SEMA5A: variants seen among roughly 807,000 people sequenced by gnomAD.
SEMA5A encodes the protein semaphorin-5A.
A neutral mutation model predicts 135.5 loss-of-function variants in SEMA5A; 55 were observed. That is an observed-to-expected ratio of 0.41 (90% CI 0.33 to 0.51). The LOEUF (loss-of-function observed/expected upper bound fraction) is 0.51. Among genes scored for constraint, SEMA5A ranks in the 20% least tolerant of loss-of-function variants. The pLI is 0.37. For synonymous variants in SEMA5A, 580 were observed against 546.5 expected, an observed-to-expected ratio of 1.06 and a Z score of -0.85; for missense variants, 1,290 against 1,419.9, an observed-to-expected ratio of 0.91 and a Z score of 1.47.
At chr5:9,282,673 A>G (rs1233735287) in intron 5 of SEMA5A, among the ~76,000 whole-genome samples, 1 of 152,176 alleles carries the variant, frequency 6.6e-6, no homozygotes, top group Non-Finnish European at 1.5e-5. Flanking sequence ...AGCTGACCAG[A>G]CGGATAAAGG....
At chr5:9,136,764 A>C in intron 12 of SEMA5A, 143 bp from the exon 13 acceptor site, 1 of 682,914 alleles carries the variant, frequency 1.5e-6, no homozygotes, top group East Asian at 2.5e-5. Flanking sequence ...TGCACACTGG[A>C]GAGCACAGCT....
Position 9,092,733 on chromosome 5 carries a change from G to A in SEMA5A, c.2073+15407C>T, listed in dbSNP as rs201961426. Among the ~76,000 whole-genome samples the A allele has an allele frequency of 3.4e-3, 511 of 152,288 alleles. 4 individuals carry two copies. The East Asian group carries it at 0.048, about 14-fold the overall frequency. On this transcript the variant is annotated intron_variant, in intron 16 of 22. Coordinates refer to ENST00000382496, the MANE Select transcript of SEMA5A (RefSeq NM_003966.3). The stretch of plus-strand genomic sequence containing the variant: ...GAACACAAAATGTGTTGCATTGTAA[G>A]AGATAGTAAGAATGAACCCAAGAGT...
At chr5:9,295,912 C>A (rs1751313221) in intron 5 of SEMA5A, among the ~76,000 whole-genome samples, 1 of 152,148 alleles carries the variant, frequency 6.6e-6, no homozygotes, top group Admixed American at 6.5e-5. Context: ...GAGTGGAAAT[C>A]ATTGTTCTCA....
intron 16 of SEMA5A, among the ~76,000 whole-genome samples, chr5:9,085,775 G>A (rs774928516): frequency 9.2e-5 from 14 of 152,136 alleles, no homozygotes; most frequent in Non-Finnish European, 1.9e-4. Context: ...ACCATCCTCA[G>A]ACCCAAGAAT....
intron 9 of SEMA5A, among the ~76,000 whole-genome samples, chr5:9,198,669 C>T (rs1241433115): frequency 6.6e-6 from 1 of 152,176 alleles, no homozygotes; most frequent in Non-Finnish European, 1.5e-5. Flanking sequence ...AAGGGGCGAA[C>T]ACCAGCTATG....
chr5:9,473,500 C>T (rs1208776971), intron 1 of SEMA5A, among the ~76,000 whole-genome samples: 3 of 151,048 alleles, frequency 2.0e-5, no homozygotes, highest in Admixed American at 6.6e-5. Context: ...GCTACCAAGA[C>T]GAAGGCAGAG....
chr5:9,288,595 G>A (rs910550645), intron 5 of SEMA5A, among the ~76,000 whole-genome samples: 3 of 152,166 alleles, frequency 2.0e-5, no homozygotes, highest in Admixed American at 1.3e-4. Flanking sequence ...GATAAAACAG[G>A]AGAAAATAAA....
chr5:9,247,100 A>T (rs909498784), intron 5 of SEMA5A, among the ~76,000 whole-genome samples: 7 of 152,222 alleles, frequency 4.6e-5, no homozygotes. Context: ...GCCAGCAACC[A>T]CAGCATGAAT....
intron 3 of SEMA5A, among the ~76,000 whole-genome samples, chr5:9,362,222 G>A (rs1299890196): frequency 6.6e-6 from 1 of 152,124 alleles, no homozygotes; most frequent in African/African-American, 2.4e-5. Flanking sequence ...TCCCATCCCT[G>A]AGCATGTTTA....
intron 2 of SEMA5A, among the ~76,000 whole-genome samples, chr5:9,420,062 C>T (rs1272400438): frequency 2.0e-5 from 3 of 152,070 alleles, no homozygotes; most frequent in East Asian, 1.9e-4. Context: ...CCTTTGTTCC[C>T]GGGCTGAACT....
intron 1 of SEMA5A, among the ~76,000 whole-genome samples, chr5:9,531,868 A>G (rs1260087708): frequency 6.6e-6 from 1 of 152,218 alleles, no homozygotes; most frequent in Admixed American, 6.5e-5. Flanking sequence ...AGCAAGACAC[A>G]CTAAAAGCAA....
rs890974423 is a variant in SEMA5A, at chr5:9,122,649, G to A, written c.1781+7C>T. On this transcript the variant is annotated splice_region_variant and intron_variant, in intron 14 of 22. Coordinates refer to ENST00000382496, the MANE Select transcript of SEMA5A (RefSeq NM_003966.3). ...GCAGCACAACTGGCGTGTTCTGAGC[G>A]GCACACCTGGAACAGTTGGCGATCT... 4.4e-6 allele frequency: 7 copies of A among 1,579,926 alleles called. No homozygotes were observed. Among genetic ancestry groups the A allele is most frequent in the South Asian group, 1.2e-5 (1 of 86,692 alleles).
chr5:9,222,141 T>C (rs1747040056), intron 8 of SEMA5A, among the ~76,000 whole-genome samples: 1 of 152,138 alleles, frequency 6.6e-6, no homozygotes, highest in African/African-American at 2.4e-5. Flanking sequence ...GACAAGGGCA[T>C]CTGGCAAAGA....
At chr5:9,400,878 ATAATTT>A (rs1324597201) in intron 2 of SEMA5A, among the ~76,000 whole-genome samples, 2 of 152,120 alleles carry the variant, frequency 1.3e-5, no homozygotes, top group Non-Finnish European at 2.9e-5. Context: ...ATATACAATT[ATAATTT>A]ATTATAATTT....
At chr5:9,358,259 C>T (rs1754539580) in intron 3 of SEMA5A, among the ~76,000 whole-genome samples, 1 of 152,220 alleles carries the variant, frequency 6.6e-6, no homozygotes, top group South Asian at 2.1e-4. Context: ...ACCACACTGG[C>T]TCCATTTTAC....
chr5:9,390,417 T>C (rs1756110672), intron 2 of SEMA5A, among the ~76,000 whole-genome samples: 1 of 152,204 alleles, frequency 6.6e-6, no homozygotes, highest in Non-Finnish European at 1.5e-5. Flanking sequence ...ATATTATAAT[T>C]CACACCAGAA....
At chr5:9,136,678 A>G in intron 12 of SEMA5A, 57 bp from the exon 13 acceptor site, 1 of 1,426,378 alleles carries the variant, frequency 7.0e-7, no homozygotes, top group African/African-American at 1.4e-5. Flanking sequence ...GATAAGATAC[A>G]CAAGACAAGG....
intron 9 of SEMA5A, among the ~76,000 whole-genome samples, chr5:9,199,029 C>T (rs889056761): frequency 3.3e-5 from 5 of 152,278 alleles, no homozygotes; most frequent in Non-Finnish European, 4.4e-5. Flanking sequence ...AGAGAGTTTA[C>T]GCAGCCCAAG....
chr5:9,173,468 G>A (rs1248362827), intron 11 of SEMA5A, among the ~76,000 whole-genome samples: 4 of 151,838 alleles, frequency 2.6e-5, no homozygotes, highest in African/African-American at 9.7e-5. Context: ...CCAAGATCAG[G>A]GTGCCTGCAG....
Sources: allele counts gnomAD v4.1 joint callset (sites outside exome capture counted in the v4.1 genomes callset), GRCh38; gene constraint gnomAD v4.1.1; transcripts MANE v1.5; gene names NCBI Gene and HGNC (gene_info 2026-07-23, HGNC 2026-07-21).